Variants in RARB observed in about 807,000 individuals in gnomAD.
RARB encodes the protein retinoic acid receptor beta.
A neutral mutation model predicts 51.9 loss-of-function variants in RARB; 17 were observed. The ratio of observed to expected loss-of-function variants is 0.33; its 90% CI spans 0.22 to 0.49. The LOEUF (loss-of-function observed/expected upper bound fraction) is 0.49. RARB is among the 20% of genes least tolerant of loss of function. The probability of loss-of-function intolerance (pLI) is 0.99; values close to 1 mark genes in which losing one functional copy is unlikely to be tolerated. For synonymous variants in RARB, 215 were observed against 195.4 expected (o/e 1.10, Z -0.84); for missense variants, 369 against 550.8 (o/e 0.67, Z 3.30).
chr3:24,949,248 G>T (rs191831420), intron 2 of RARB, among the ~76,000 whole-genome samples: 10 of 152,268 alleles, frequency 6.6e-5, no homozygotes, highest in Non-Finnish European at 1.2e-4. Flanking sequence ...TTTCAGCTGT[G>T]TTGCAGATGG....
At chr3:25,117,819 A>G (rs1488875945) in intron 3 of RARB, among the ~76,000 whole-genome samples, 1 of 152,206 alleles carries the variant, frequency 6.6e-6, no homozygotes, top group Non-Finnish European at 1.5e-5. Flanking sequence ...ACTTATTTCT[A>G]TCCTTCCTTG....
intron 3 of RARB, among the ~76,000 whole-genome samples, chr3:25,558,784 G>A (rs1700159500): frequency 6.6e-6 from 1 of 152,044 alleles, no homozygotes; most frequent in African/African-American, 2.4e-5. Flanking sequence ...TTTCTTCTCT[G>A]TTTTGATACC....
At chr3:25,385,716 C>T (rs1185809643) in intron 5 of RARB, among the ~76,000 whole-genome samples, 1 of 152,160 alleles carries the variant, frequency 6.6e-6, no homozygotes, top group African/African-American at 2.4e-5. Flanking sequence ...AGGTGATCTA[C>T]ATACCAGCCT....
At chr3:25,157,265 C>T (rs902114296) in intron 4 of RARB, among the ~76,000 whole-genome samples, 3 of 151,350 alleles carry the variant, frequency 2.0e-5, no homozygotes, top group Non-Finnish European at 4.4e-5. Flanking sequence ...ATGGAGTCAA[C>T]AATATTAACA....
At chr3:25,035,984 TAGC>T (rs1161598783) in intron 2 of RARB, among the ~76,000 whole-genome samples, 1 of 152,218 alleles carries the variant, frequency 6.6e-6, no homozygotes, top group Non-Finnish European at 1.5e-5. Context: ...AGACCCTTCA[TAGC>T]AGGCAGAACT....
intron 5 of RARB, among the ~76,000 whole-genome samples, chr3:25,188,014 A>C (rs1292167501): frequency 6.6e-6 from 1 of 152,126 alleles, no homozygotes; most frequent in East Asian, 1.9e-4. Flanking sequence ...GGAGAAATGA[A>C]TGTATTGACA....
intron 5 of RARB, among the ~76,000 whole-genome samples, chr3:25,271,890 AT>A: frequency 6.6e-6 from 1 of 152,226 alleles, no homozygotes; most frequent in Non-Finnish European, 1.5e-5. Context: ...ATAGTTTAAA[AT>A]TAAAATACTT....
rs114295481 is a variant in RARB, at chr3:25,348,587, T to A, written c.179-112606T>A. On this transcript the variant is annotated intron_variant, in intron 5 of 11. Transcript: ENST00000383772. ...CTGAAAGTGAATGAACAAGTAGGGA[T>A]AATAATTGCAAGTCCTTTGGGTTGT... is the stretch of plus-strand genomic sequence containing the variant. Among the ~76,000 whole-genome samples the A allele has an allele frequency of 2.8e-3, 429 of 152,238 alleles. 3 individuals are homozygous for A. The highest frequency in any genetic ancestry group is 9.8e-3 in the African/African-American group (408 of 41,534).
chr3:25,077,338 A>G lies in RARB; in HGVS notation c.-328+17162A>G, dbSNP rs115309307. On this transcript the variant is annotated intron_variant, in intron 3 of 11. Transcript: ENST00000383772. ...ATAAATTTCCATCCCTCTGGATGGA[A>G]GGTTCTCTCATGTTCTTCCTCCGTT... Among the ~76,000 whole-genome samples, 932 of 152,232 alleles carry G rather than the reference A, an allele frequency of 6.1e-3. 10 individuals carry two copies. The highest frequency in any genetic ancestry group is 0.02 in the African/African-American group (825 of 41,554).
intron 5 of RARB, among the ~76,000 whole-genome samples, chr3:25,372,718 T>TG (rs1367477945): frequency 6.6e-6 from 1 of 152,122 alleles, no homozygotes; most frequent in African/African-American, 2.4e-5. Flanking sequence ...TCCAGCTACT[T>TG]GGGAGGCCAA....
intron 5 of RARB, among the ~76,000 whole-genome samples, chr3:25,224,851 C>T (rs1392037888): frequency 2.6e-5 from 4 of 152,130 alleles, no homozygotes; most frequent in South Asian, 2.1e-4. Context: ...GCAATCCACC[C>T]GCCTCAGCCT....
chr3:24,950,318 A>G (rs777729733), intron 2 of RARB, among the ~76,000 whole-genome samples: 6 of 152,232 alleles, frequency 3.9e-5, no homozygotes, highest in Non-Finnish European at 8.8e-5. Context: ...ACCATCTCAT[A>G]TAAAATACAT....
At chr3:25,402,428 T>G (rs976068768) in intron 5 of RARB, among the ~76,000 whole-genome samples, 3 of 152,234 alleles carry the variant, frequency 2.0e-5, no homozygotes, top group African/African-American at 4.8e-5. Flanking sequence ...TGAGCTACCA[T>G]GTGATCTAGC....
At chr3:25,416,304 G>T (rs552527933) in intron 5 of RARB, among the ~76,000 whole-genome samples, 2 of 152,180 alleles carry the variant, frequency 1.3e-5, no homozygotes, top group Non-Finnish European at 2.9e-5. Context: ...CGGGAGGATC[G>T]CTTGAGCCTG....
chr3:25,415,222 TG>T (rs1441576924), intron 5 of RARB, among the ~76,000 whole-genome samples: 7 of 152,046 alleles, frequency 4.6e-5, no homozygotes, highest in Non-Finnish European at 8.8e-5. Context: ...CTAATTATTT[TG>T]TTTTTTTTAT....
chr3:25,300,833 A>G (rs1704021128), intron 5 of RARB, among the ~76,000 whole-genome samples: 1 of 152,040 alleles, frequency 6.6e-6, no homozygotes, highest in African/African-American at 2.4e-5. Flanking sequence ...CTACTAAAAT[A>G]AAATAAAAAA....
At chr3:24,926,016 G>C (rs1315826601) in intron 2 of RARB, among the ~76,000 whole-genome samples, 1 of 152,080 alleles carries the variant, frequency 6.6e-6, no homozygotes, top group Admixed American at 6.6e-5. Flanking sequence ...TAGGTGATCT[G>C]AGAATACTTC....
At chr3:25,322,021 A>G (rs1246383292) in intron 5 of RARB, among the ~76,000 whole-genome samples, 3 of 151,890 alleles carry the variant, frequency 2.0e-5, no homozygotes, top group Non-Finnish European at 4.4e-5. Context: ...AAAAAAAGAC[A>G]GAAGGAAAGA....
chr3:25,550,874 A>G (rs997990896), intron 3 of RARB, among the ~76,000 whole-genome samples: 1 of 152,174 alleles, frequency 6.6e-6, no homozygotes, highest in Admixed American at 6.5e-5. Flanking sequence ...TTTGCTGAAG[A>G]TAATGGCTTT....
Sources: allele counts gnomAD v4.1 joint callset (sites outside exome capture counted in the v4.1 genomes callset), GRCh38; gene constraint gnomAD v4.1.1; transcripts MANE v1.5; gene names NCBI Gene and HGNC (gene_info 2026-07-23, HGNC 2026-07-21).